The following CPNE9 variants were observed in gnomAD, a reference collection of about 807,000 sequenced individuals.
The protein encoded by CPNE9 is copine family member 9, also known as copine-9.
CPNE9 carries 59 observed loss-of-function variants against 83.0 expected under a neutral mutation model. The observed-to-expected ratio is 0.71, with a 90% CI of 0.58 to 0.88. The LOEUF (loss-of-function observed/expected upper bound fraction) is 0.88, where lower values mean the gene tolerates loss of function less well. Ranked by LOEUF, CPNE9 falls within the 40% of genes least tolerant of loss-of-function variation. The pLI, the probability that CPNE9 is intolerant of heterozygous loss-of-function variation, is 0.00. For missense variants in CPNE9, 619 were observed against 720.8 expected (o/e 0.86, Z 1.62); for synonymous variants, 256 against 273.4 (o/e 0.94, Z 0.63).
chr3:9,715,028 C>T (rs2076667531), intron 11 of CPNE9, 73 bp downstream of exon 11: 1 of 1,394,040 alleles, frequency 7.2e-7, no homozygotes, highest in Admixed American at 1.8e-5. Flanking sequence ...TGTACATTCA[C>T]TGAGAACCCC....
intron 7 of CPNE9, among the ~76,000 whole-genome samples, chr3:9,710,260 G>A (rs762766616): frequency 2.0e-4 from 30 of 152,310 alleles, no homozygotes; most frequent in South Asian, 4.1e-4. Flanking sequence ...TGATGTTCTC[G>A]TGCAGACAAG....
At chr3:9,709,125 A>C (rs2076596280) in intron 7 of CPNE9, among the ~76,000 whole-genome samples, 1 of 150,174 alleles carries the variant, frequency 6.7e-6, no homozygotes, top group South Asian at 2.1e-4. Context: ...AATACAAAAA[A>C]CTTAGCTGGG....
chr3:9,707,857 T>C (rs1341147286), intron 7 of CPNE9, among the ~76,000 whole-genome samples: 3 of 151,348 alleles, frequency 2.0e-5, no homozygotes, highest in African/African-American at 7.3e-5. Context: ...GAGTTCAATC[T>C]GACATGTTGA....
intron 14 of CPNE9, 83 bp from the exon 15 acceptor site, chr3:9,716,975 T>C: frequency 7.0e-7 from 1 of 1,420,526 alleles, no homozygotes; most frequent in Admixed American, 1.7e-5. Context: ...CCCCACGTGA[T>C]CCATATGCAC....
At chr3:9,709,198 C>T (rs1466479725) in intron 7 of CPNE9, among the ~76,000 whole-genome samples, 2 of 147,926 alleles carry the variant, frequency 1.4e-5, no homozygotes, top group Admixed American at 6.7e-5. Flanking sequence ...ATCGCCTGAA[C>T]CCGGGAGGCG....
chr3:9,722,855 CT>C (rs2076746382), intron 17 of CPNE9, among the ~76,000 whole-genome samples: 1 of 152,126 alleles, frequency 6.6e-6, no homozygotes, highest in Non-Finnish European at 1.5e-5. Flanking sequence ...GTGGTTTGCA[CT>C]TGCCATTCTC....
intron 10 of CPNE9, among the ~76,000 whole-genome samples, chr3:9,714,361 T>C (rs78064980): frequency 0.029 from 4,452 of 152,224 alleles, 128 homozygotes; most frequent in African/African-American, 0.078. Context: ...GATGGTTGGA[T>C]GGGCTGATAT....
Position 9,703,936 on chromosome 3 carries a change from G to T in CPNE9, c.-61G>T, listed in dbSNP as rs1168221783. The T allele has an allele frequency of 7.2e-7, 1 of 1,395,264 alleles. No homozygotes were observed. 86.4% of individuals were successfully genotyped at this position (1,395,264 alleles called of 1,614,324 possible). On this transcript the variant is annotated 5_prime_UTR_variant, in exon 1 of 21. Coordinates refer to ENST00000383832, the MANE Select transcript of CPNE9 (RefSeq NM_153635.3). ...ATGGGCCGGCCCCGCCGCTGCCGTC[G>T]CCCCTAGCCCCAGCAGCCCTGGTCT...
At chr3:9,715,629 G>T in intron 13 of CPNE9, 103 bp downstream of exon 13, 1 of 977,474 alleles carries the variant, frequency 1.0e-6, no homozygotes, top group Non-Finnish European at 1.6e-6. Context: ...AGTGGGCACA[G>T]ATTACTTGGA....
intron 17 of CPNE9, among the ~76,000 whole-genome samples, chr3:9,719,164 A>G (rs914271102): frequency 6.6e-6 from 1 of 152,200 alleles, no homozygotes; most frequent in South Asian, 2.1e-4. Flanking sequence ...TATTTAAATT[A>G]AAAAAATTAA....
At chr3:9,720,130 CT>C (rs1403576309) in intron 17 of CPNE9, among the ~76,000 whole-genome samples, 1 of 151,568 alleles carries the variant, frequency 6.6e-6, no homozygotes, top group Non-Finnish European at 1.5e-5. Context: ...AATGACAGAA[CT>C]AAAATCAAAC....
rs895170965 is a variant in CPNE9, at chr3:9,716,166, CA to C, written c.884+133del. ...GGAGATAAACTTTAAAACACTTGGCCAACTATAAAGTGCTCTGTAAAATGCA... is the reference window on the plus strand; with the variant it reads ...GGAGATAAACTTTAAAACACTTGGCCACTATAAAGTGCTCTGTAAAATGCA... On this transcript the variant is annotated intron_variant, in intron 14 of 20. Coordinates refer to ENST00000383832, the MANE Select transcript of CPNE9 (RefSeq NM_153635.3). The C allele has an allele frequency of 1.0e-4, 80 of 770,238 alleles. No individual in the cohort carries two copies. In the African/African-American group the frequency reaches 1.2e-3, roughly 11 times the overall value. The allele number at this position is 770,238 out of a possible 1,614,324, so 47.7% of individuals were successfully genotyped here.
rs1485480911 is a variant in CPNE9 at position 9,727,198 on chromosome 3, G to T, written c.1476+12G>T. On this transcript the variant is annotated intron_variant, in intron 20 of 20. Transcript: ENST00000383832. ...GGGACATCGTTCAGGTAGACCTGACGTGGGAGAGGCTGTGGAGCTGAGAGG... is the reference window on the plus strand; with the variant it reads ...GGGACATCGTTCAGGTAGACCTGACTTGGGAGAGGCTGTGGAGCTGAGAGG... The T allele has an allele frequency of 6.2e-7, 1 of 1,614,158 alleles. No individual in the cohort carries two copies. The highest frequency in any genetic ancestry group is 8.5e-7 in the Non-Finnish European group (1 of 1,179,952).
At chr3:9,705,636 T>G in intron 5 of CPNE9, 82 bp from the exon 6 acceptor site, 1 of 1,585,356 alleles carries the variant, frequency 6.3e-7, no homozygotes, top group East Asian at 2.2e-5. Flanking sequence ...TCCTGGTCCC[T>G]CTCCTCCTGC....
At chr3:9,718,347 G>A (rs1007559769) in intron 16 of CPNE9, 128 bp from the exon 17 acceptor site, 2 of 1,405,892 alleles carry the variant, frequency 1.4e-6, no homozygotes, top group Non-Finnish European at 2.0e-6. Context: ...AGCAGGGAGG[G>A]GAGCAGGGCT....
intron 14 of CPNE9, among the ~76,000 whole-genome samples, chr3:9,716,450 A>G (rs2076684510): frequency 6.6e-6 from 1 of 151,018 alleles, no homozygotes; most frequent in Non-Finnish European, 1.5e-5. Flanking sequence ...TCTGAACTTC[A>G]CTTTTCTCCT....
At position 9,703,972 on chromosome 3, in the gene CPNE9, T is replaced by G; in HGVS notation, c.-25T>G. On this transcript the variant is annotated 5_prime_UTR_variant, in exon 1 of 21. Coordinates refer to ENST00000383832, the MANE Select transcript of CPNE9 (RefSeq NM_153635.3). Reference sequence around the variant, plus strand: ...CAGCAGCCCTGGTCTCGCAGCCTCCTGCGGCTCTGGTCGCCCGACCAGCCA... The same window carrying G: ...CAGCAGCCCTGGTCTCGCAGCCTCCGGCGGCTCTGGTCGCCCGACCAGCCA... 2.5e-6 allele frequency: 4 copies of G among 1,586,040 alleles called. No individual in the cohort carries two copies. The highest frequency in any genetic ancestry group is 2.6e-6 in the Non-Finnish European group (3 of 1,169,980).
At chr3:9,715,847 T>C in intron 13 of CPNE9, 127 bp from the exon 14 acceptor site, 1 of 759,158 alleles carries the variant, frequency 1.3e-6, no homozygotes, top group East Asian at 2.7e-5. Context: ...TGGGACTGAC[T>C]GGGGGAGCGG....
chr3:9,720,157 T>A (rs553857810), intron 17 of CPNE9, among the ~76,000 whole-genome samples: 2 of 151,960 alleles, frequency 1.3e-5, no homozygotes, highest in Admixed American at 1.3e-4. Flanking sequence ...TCAATAAACA[T>A]AAATAAGCTC....
Sources: allele counts gnomAD v4.1 joint callset (sites outside exome capture counted in the v4.1 genomes callset), GRCh38; gene constraint gnomAD v4.1.1; transcripts MANE v1.5; gene names NCBI Gene and HGNC (gene_info 2026-07-23, HGNC 2026-07-21).